API5: variants seen among roughly 807,000 people sequenced by gnomAD.
The protein encoded by API5 is apoptosis inhibitor 5.
In API5, 6 loss-of-function variants were observed where a neutral mutation model predicts 71.9. That is an observed-to-expected ratio of 0.08 (90% CI 0.05 to 0.16). The LOEUF is 0.16. Ranked by LOEUF, API5 falls within the 10% of genes least tolerant of loss-of-function variation. The pLI, the probability that API5 is intolerant of heterozygous loss-of-function variation, is 1.00. For missense variants in API5, 332 were observed against 612.8 expected, an observed-to-expected ratio of 0.54 and a Z score of 4.84; for synonymous variants, 189 against 221.3, an observed-to-expected ratio of 0.85 and a Z score of 1.30.
chr11:43,330,932 A>G (rs1855230709), intron 11 of API5, among the ~76,000 whole-genome samples: 1 of 152,178 alleles, frequency 6.6e-6, no homozygotes. Context: ...AGCCATAATT[A>G]CTTTTCAATT....
chr11:43,338,904 G>A (rs973036911), intron 13 of API5, among the ~76,000 whole-genome samples: 4 of 152,094 alleles, frequency 2.6e-5, no homozygotes, highest in African/African-American at 9.7e-5. Context: ...CTGCATAGAT[G>A]GCTCTAAGTC....
intron 2 of API5, 178 bp downstream of exon 2, chr11:43,318,979 C>A: frequency 1.9e-6 from 1 of 530,050 alleles, no homozygotes; most frequent in Non-Finnish European, 3.2e-6. Flanking sequence ...CCTTTTTCAA[C>A]ACCTTTAAAT....
chr11:43,330,457 G>A lies in API5; in HGVS notation c.1222-51G>A, dbSNP rs777410965. Reference sequence around the variant, plus strand: ...CTAGTTCTATGACAGAATGGATTATGCCTCATAGAAGTTATTGGCAATTTG... The same window carrying A: ...CTAGTTCTATGACAGAATGGATTATACCTCATAGAAGTTATTGGCAATTTG... On this transcript the variant is annotated intron_variant, in intron 10 of 13. Coordinates refer to ENST00000531273, the MANE Select transcript of API5 (RefSeq NM_001142930.2). 4 of 1,227,456 alleles carry A rather than the reference G, an allele frequency of 3.3e-6. No individual in the cohort carries two copies. In the South Asian group the frequency reaches 4.8e-5, roughly 15 times the overall value. 76.0% of individuals were successfully genotyped at this position (1,227,456 alleles called of 1,614,324 possible).
At chr11:43,321,311 A>G in intron 3 of API5, 100 bp from the exon 4 acceptor site, 1 of 976,474 alleles carries the variant, frequency 1.0e-6, no homozygotes, top group Admixed American at 2.4e-5. Context: ...GTTTCCTGTC[A>G]ATGTAACCTT....
chr11:43,324,133 T>C (rs1213503003), intron 6 of API5, among the ~76,000 whole-genome samples: 1 of 152,186 alleles, frequency 6.6e-6, no homozygotes, highest in African/African-American at 2.4e-5. Context: ...TCCTTCCATC[T>C]CAGCCTCCCA....
chr11:43,314,014 G>A (rs942320399), intron 1 of API5, among the ~76,000 whole-genome samples: 1 of 151,954 alleles, frequency 6.6e-6, no homozygotes, highest in Non-Finnish European at 1.5e-5. Flanking sequence ...GCTTGAACCC[G>A]GAGGGTGGAG....
intron 6 of API5, among the ~76,000 whole-genome samples, chr11:43,325,160 T>C (rs1855027245): frequency 6.6e-6 from 1 of 151,472 alleles, no homozygotes; most frequent in African/African-American, 2.4e-5. Context: ...CAAAATAAAC[T>C]TGTACTTATA....
chr11:43,335,402 C>A (rs202247147), intron 12 of API5, 48 bp downstream of exon 12: 10 of 1,190,088 alleles, frequency 8.4e-6, no homozygotes, highest in Non-Finnish European at 1.3e-5. Context: ...AAACTTAATA[C>A]GAGTTACATT....
intron 1 of API5, among the ~76,000 whole-genome samples, chr11:43,312,677 CTT>C (rs754205787): frequency 6.6e-6 from 1 of 152,104 alleles, no homozygotes; most frequent in Non-Finnish European, 1.5e-5. Context: ...AAGAGGGACT[CTT>C]TGGTCCAGAC....
At chr11:43,336,822 C>T (rs1042631606) in intron 13 of API5, among the ~76,000 whole-genome samples, 1 of 151,748 alleles carries the variant, frequency 6.6e-6, no homozygotes, top group Admixed American at 6.6e-5. Flanking sequence ...TCCTGGCTAA[C>T]AGGGTGAAAC....
In API5 at chr11:43,328,900, T is replaced by A. The variant is rs373801962; in HGVS notation, c.1127+7T>A. 3 of 1,613,870 alleles carry A rather than the reference T, an allele frequency of 1.9e-6. No individual in the cohort carries two copies. The highest frequency in any genetic ancestry group is 2.5e-6 in the Non-Finnish European group (3 of 1,179,818). On this transcript the variant is annotated splice_region_variant and intron_variant, in intron 9 of 13. Coordinates refer to ENST00000531273, the MANE Select transcript of API5 (RefSeq NM_001142930.2). ...TCAAAGATTTCAAAATCAGGTGATATATGATTGAGGTGGCTCAATCCTTGG... is the reference window on the plus strand; with the variant it reads ...TCAAAGATTTCAAAATCAGGTGATAAATGATTGAGGTGGCTCAATCCTTGG...
chr11:43,319,045 G>T, intron 2 of API5: 1 of 409,996 alleles, frequency 2.4e-6, no homozygotes, highest in South Asian at 6.0e-5. Context: ...TTTATCCACT[G>T]TTAAAAATGG....
chr11:43,316,912 GA>G (rs1854692649), intron 1 of API5, among the ~76,000 whole-genome samples: 1 of 152,190 alleles, frequency 6.6e-6, no homozygotes, highest in Admixed American at 6.5e-5. Flanking sequence ...TGCATTTCAT[GA>G]AGAAGTTAAC....
rs200627115 is a variant in API5 at position 43,322,076 on chromosome 11, T to C, written c.483T>C (p.Thr161=). Reference sequence around the variant, plus strand: ...AATTCCTTTCTACAAAACTTAAGACTTTACCAGATGAAGTCTTAACAAAGG... The same window carrying C: ...AATTCCTTTCTACAAAACTTAAGACCTTACCAGATGAAGTCTTAACAAAGG... ...AIKFLSTKLK[T]LPDEVLTKEV... The change falls in exon 5 of 14, where the codon ACT becomes ACC. Residue 161 remains threonine (T), a synonymous_variant. Transcript: ENST00000531273. The C allele has an allele frequency of 4.3e-6, 7 of 1,613,568 alleles. No homozygotes were observed. In the Admixed American group the frequency reaches 1.2e-4, roughly 27 times the overall value.
chr11:43,329,768 T>C (rs1188553846), intron 9 of API5, among the ~76,000 whole-genome samples, 197 bp from the exon 10 acceptor site: 3 of 152,236 alleles, frequency 2.0e-5, no homozygotes, highest in African/African-American at 4.8e-5. Context: ...GTTACTGTCC[T>C]GTACTGTGTG....
At chr11:43,327,489 A>G (rs2134362470) in intron 7 of API5, among the ~76,000 whole-genome samples, 1 of 152,336 alleles carries the variant, frequency 6.6e-6, no homozygotes, top group South Asian at 2.1e-4. Flanking sequence ...AAAGTGTCGT[A>G]TGTATTATTT....
In API5 at chr11:43,342,941, A is replaced by T. The variant is rs1855670970; in HGVS notation, c.*431A>T. On this transcript the variant is annotated 3_prime_UTR_variant, in exon 14 of 14. Transcript: ENST00000531273. The stretch of plus-strand genomic sequence containing the variant: ...ATGGAGAAGAGTAATGGTCAATCTT[A>T]ACATTTTGTTTTAATTGTTTAATAA... The T allele has an allele frequency of 2.9e-6, 1 of 350,068 alleles. No homozygotes were observed. Among genetic ancestry groups the T allele is most frequent in the Admixed American group, 4.8e-5 (1 of 20,782 alleles). 21.7% of individuals were successfully genotyped at this position (350,068 alleles called of 1,614,324 possible). A position where few individuals can be genotyped will look rare whatever the true frequency, so the allele number is the denominator to read the frequency against.
At position 43,342,416 on chromosome 11, in the gene API5, G is replaced by A. The variant is rs755113888; in HGVS notation, c.1493-12G>A. The A allele has an allele frequency of 2.0e-5, 31 of 1,582,964 alleles. 1 individual carries two copies. The African/African-American group carries it at 2.3e-4, about 12-fold the overall frequency. Reference sequence around the variant, plus strand: ...CTAAGCAAGACCTAAACCCTTGTTCGCTTTTTCGTAGAGCAGAGAGGAGCC... The same window carrying A: ...CTAAGCAAGACCTAAACCCTTGTTCACTTTTTCGTAGAGCAGAGAGGAGCC... On this transcript the variant is annotated splice_polypyrimidine_tract_variant and intron_variant, in intron 13 of 13. Coordinates refer to ENST00000531273, the MANE Select transcript of API5 (RefSeq NM_001142930.2).
chr11:43,330,197 T>TTTATTA, intron 10 of API5, 139 bp downstream of exon 10: 1 of 704,970 alleles, frequency 1.4e-6, no homozygotes, highest in Non-Finnish European at 2.3e-6. Flanking sequence ...ATTTTAGATT[T>TTTATTA]TTATTATGTT....
Sources: allele counts gnomAD v4.1 joint callset (sites outside exome capture counted in the v4.1 genomes callset), GRCh38; gene constraint gnomAD v4.1.1; transcripts MANE v1.5; gene names NCBI Gene and HGNC (gene_info 2026-07-23, HGNC 2026-07-21).